KCNJ12: variants seen among roughly 807,000 people sequenced by gnomAD.
The protein encoded by KCNJ12 is potassium inwardly rectifying channel subfamily J member 12.
A neutral mutation model predicts 22.3 loss-of-function variants in KCNJ12; 2 were observed. The ratio of observed to expected loss-of-function variants is 0.09; its 90% CI spans 0.04 to 0.28. KCNJ12 has a LOEUF of 0.28. Among genes scored for constraint, KCNJ12 ranks in the 10% least tolerant of loss-of-function variants. The probability of loss-of-function intolerance (pLI) is 1.00; values close to 1 mark genes in which losing one functional copy is unlikely to be tolerated. For missense variants in KCNJ12, 155 were observed against 633.3 expected (o/e 0.24, Z 8.11); for synonymous variants, 117 against 261.4 (o/e 0.45, Z 5.33).
chr17:21,406,941 G>A (rs1360372017), intron 1 of KCNJ12, among the ~76,000 whole-genome samples: 1 of 152,300 alleles, frequency 6.6e-6, no homozygotes, highest in Non-Finnish European at 1.5e-5. Flanking sequence ...CGGCACACTG[G>A]ATAGGAAGGC....
intron 1 of KCNJ12, among the ~76,000 whole-genome samples, chr17:21,387,196 A>G (rs1181883708): frequency 6.6e-6 from 1 of 151,380 alleles, no homozygotes; most frequent in Non-Finnish European, 1.5e-5. Flanking sequence ...CGTGCTCTCC[A>G]TTTTGGGAGG....
chr17:21,401,354 A>G (rs577500532), intron 1 of KCNJ12, among the ~76,000 whole-genome samples: 9 of 152,370 alleles, frequency 5.9e-5, no homozygotes, highest in Non-Finnish European at 8.8e-5. Context: ...TGAGTCCCCA[A>G]GCAAGGCCAT....
chr17:21,377,464 TCC>T (rs1389950290), intron 1 of KCNJ12, among the ~76,000 whole-genome samples: 1 of 152,182 alleles, frequency 6.6e-6, no homozygotes, highest in African/African-American at 2.4e-5. Flanking sequence ...TGGAAATGAT[TCC>T]ATGCCAGCAA....
intron 2 of KCNJ12, among the ~76,000 whole-genome samples, chr17:21,411,426 C>T (rs1906341465): frequency 1.3e-5 from 2 of 152,240 alleles, no homozygotes; most frequent in African/African-American, 2.4e-5. Flanking sequence ...CTCTCTCCCT[C>T]CTGGGTTTGC....
intron 2 of KCNJ12, among the ~76,000 whole-genome samples, chr17:21,414,161 G>A (rs533340949): frequency 2.6e-5 from 4 of 152,418 alleles, no homozygotes; most frequent in East Asian, 3.9e-4. Flanking sequence ...GTGGCAGGCC[G>A]CATTCTAGGC....
At chr17:21,378,442 C>T (rs1264485398) in intron 1 of KCNJ12, among the ~76,000 whole-genome samples, 1 of 152,220 alleles carries the variant, frequency 6.6e-6, no homozygotes, top group Non-Finnish European at 1.5e-5. Flanking sequence ...CACCTCCAAC[C>T]AGACAGGGGA....
intron 1 of KCNJ12, among the ~76,000 whole-genome samples, chr17:21,399,914 T>A (rs1344535593): frequency 6.6e-6 from 1 of 152,064 alleles, no homozygotes; most frequent in African/African-American, 2.4e-5. Context: ...CAGTGACGAG[T>A]GTTCCTGACG....
intron 1 of KCNJ12, among the ~76,000 whole-genome samples, chr17:21,387,307 TGGCA>T (rs1254813394): frequency 1.4e-5 from 2 of 139,942 alleles, no homozygotes; most frequent in South Asian, 2.3e-4. Context: ...CCGGGCGTGG[TGGCA>T]GGCGCCTGTA....
intron 1 of KCNJ12, among the ~76,000 whole-genome samples, chr17:21,396,103 C>T (rs1905353974): frequency 6.6e-6 from 1 of 152,156 alleles, no homozygotes; most frequent in Non-Finnish European, 1.5e-5. Context: ...CGGGCGCAGG[C>T]AGGGGCCAGG....
intron 1 of KCNJ12, among the ~76,000 whole-genome samples, chr17:21,379,858 C>A (rs1418724063): frequency 1.3e-5 from 2 of 151,154 alleles, no homozygotes; most frequent in Non-Finnish European, 3.0e-5. Flanking sequence ...AGGACCAGAG[C>A]CCCCGCTGGG....
At chr17:21,412,366 C>A (rs1339307623) in intron 2 of KCNJ12, among the ~76,000 whole-genome samples, 1 of 152,292 alleles carries the variant, frequency 6.6e-6, no homozygotes, top group African/African-American at 2.4e-5. Context: ...GTTTCGAGGC[C>A]GCCAGCTGCT....
At chr17:21,388,360 C>T (rs879967435) in intron 1 of KCNJ12, among the ~76,000 whole-genome samples, 8 of 152,162 alleles carry the variant, frequency 5.3e-5, no homozygotes, top group Admixed American at 1.3e-4. Context: ...GCGTGGAGCC[C>T]GAGAGTGTGG....
intron 1 of KCNJ12, among the ~76,000 whole-genome samples, chr17:21,400,575 G>A (rs1282629825): frequency 2.0e-5 from 3 of 152,218 alleles, no homozygotes; most frequent in Admixed American, 6.5e-5. Context: ...TGGAATGAAC[G>A]GGGAATGAAC....
At chr17:21,383,770 C>T (rs1240043365) in intron 1 of KCNJ12, among the ~76,000 whole-genome samples, 1 of 152,138 alleles carries the variant, frequency 6.6e-6, no homozygotes, top group Non-Finnish European at 1.5e-5. Context: ...ATTTTGGCCT[C>T]ATTCCTGAGC....
intron 1 of KCNJ12, among the ~76,000 whole-genome samples, chr17:21,387,784 C>T (rs1293379413): frequency 6.6e-6 from 1 of 152,220 alleles, no homozygotes; most frequent in African/African-American, 2.4e-5. Context: ...CCTCAGCTGT[C>T]AGTGATGTAA....
At chr17:21,384,906 G>T (rs1444915533) in intron 1 of KCNJ12, among the ~76,000 whole-genome samples, 1 of 151,828 alleles carries the variant, frequency 6.6e-6, no homozygotes, top group African/African-American at 2.4e-5. Flanking sequence ...CCGAGTAGCT[G>T]GGACTATAGG....
chr17:21,378,534 T>G (rs1904752888), intron 1 of KCNJ12, among the ~76,000 whole-genome samples: 1 of 150,938 alleles, frequency 6.6e-6, no homozygotes. Context: ...GAGCAGGGAG[T>G]GAGGGCGGAG....
intron 1 of KCNJ12, among the ~76,000 whole-genome samples, chr17:21,398,087 GTGTA>G (rs1362093810): frequency 3.5e-5 from 5 of 143,024 alleles, no homozygotes; most frequent in African/African-American, 1.2e-4. Flanking sequence ...CTGGACGTGT[GTGTA>G]TGTGTGTGTG....
intron 1 of KCNJ12, among the ~76,000 whole-genome samples, chr17:21,378,714 T>A (rs917033610): frequency 1.2e-4 from 18 of 151,912 alleles, no homozygotes; most frequent in African/African-American, 4.4e-4. Flanking sequence ...CTCTATCACC[T>A]CCTTTTTCCC....
Sources: gnomAD v4.1 joint callset for allele counts (sites outside exome capture counted in the v4.1 genomes callset) on GRCh38, gnomAD v4.1.1 for gene constraint, MANE v1.5 for transcripts, NCBI Gene and HGNC (gene_info 2026-07-23, HGNC 2026-07-21) for gene names.